Variants in UTRN observed in about 807,000 individuals in gnomAD.
The protein encoded by UTRN is dystrophin-related protein 1.
UTRN carries 283 observed loss-of-function variants against 463.9 expected under a neutral mutation model. The ratio of observed to expected loss-of-function variants is 0.61; its 90% CI spans 0.55 to 0.67. The LOEUF (loss-of-function observed/expected upper bound fraction) is 0.67, where lower values mean the gene tolerates loss of function less well. UTRN is among the 30% of genes least tolerant of loss of function. The pLI is 0.00. For missense variants in UTRN, 3,922 were observed against 4,084.3 expected (o/e 0.96, Z 1.08); for synonymous variants, 1,442 against 1,431.5 (o/e 1.01, Z -0.17).
intron 66 of UTRN, among the ~76,000 whole-genome samples, chr6:144,825,627 T>C (rs1250556036): frequency 3.3e-5 from 5 of 152,158 alleles, no homozygotes; most frequent in Non-Finnish European, 7.3e-5. Flanking sequence ...TCAAGCAATT[T>C]GACAGAGCTT....
chr6:144,396,131 C>T (rs1489419079), intron 2 of UTRN, among the ~76,000 whole-genome samples: 2 of 152,142 alleles, frequency 1.3e-5, no homozygotes, highest in Non-Finnish European at 2.9e-5. Flanking sequence ...AACTAGTGCT[C>T]ATCTTTAGAC....
At position 144,744,316 on chromosome 6, in the gene UTRN, ATATATG is replaced by A. The variant is rs1385867115; in HGVS notation, c.7940-3928_7940-3923del. ...AAAAATGGTGTATACATATATATAT[ATATATG>A]TGTGTGTGTGTGTGTGTGTGTGTGT... On this transcript the variant is annotated intron_variant, in intron 54 of 74. Coordinates refer to ENST00000367545, the MANE Select transcript of UTRN (RefSeq NM_007124.3). Among the ~76,000 whole-genome samples, 198 of 121,598 alleles carry A rather than the reference ATATATG, an allele frequency of 1.6e-3. 2 individuals carry two copies. Among genetic ancestry groups the A allele is most frequent in the African/African-American group, 6.2e-3 (174 of 28,216 alleles). 79.8% of individuals were successfully genotyped at this position (121,598 alleles called of 152,430 possible).
chr6:144,540,706 G>GTCAATAT (rs1240543099), intron 45 of UTRN, among the ~76,000 whole-genome samples: 3 of 152,116 alleles, frequency 2.0e-5, no homozygotes, highest in Non-Finnish European at 4.4e-5. Context: ...AAATATTGGA[G>GTCAATAT]TCAATCCTAT....
At chr6:144,699,726 T>A (rs543060988) in intron 52 of UTRN, among the ~76,000 whole-genome samples, 132 of 150,384 alleles carry the variant, frequency 8.8e-4, no homozygotes, top group Non-Finnish European at 1.6e-3. Context: ...TTGAAAGCCT[T>A]CGTTTTGTAT....
rs192973627 is a variant in UTRN at position 144,444,474 on chromosome 6, T to C, written c.1614+92T>C. ...TTAGAATAAAGTTGCCTTGTTTACTTTTCTTTGAAAGGAAAATATATAAAT... is the reference window on the plus strand; with the variant it reads ...TTAGAATAAAGTTGCCTTGTTTACTCTTCTTTGAAAGGAAAATATATAAAT... On this transcript the variant is annotated intron_variant, in intron 14 of 74. Coordinates refer to ENST00000367545, the MANE Select transcript of UTRN (RefSeq NM_007124.3). 12 of 880,966 alleles carry C rather than the reference T, an allele frequency of 1.4e-5. No homozygotes were observed. The East Asian group carries it at 3.9e-4, about 29-fold the overall frequency. 54.6% of individuals were successfully genotyped at this position (880,966 alleles called of 1,614,324 possible). A position where few individuals can be genotyped will look rare whatever the true frequency, so the allele number is the denominator to read the frequency against.
chr6:144,474,911 G>C (rs754920150), intron 25 of UTRN, 152 bp downstream of exon 25: 12 of 806,494 alleles, frequency 1.5e-5, no homozygotes, highest in East Asian at 2.9e-5. Flanking sequence ...AAAAAAAAAG[G>C]CATCATTTTT....
intron 66 of UTRN, among the ~76,000 whole-genome samples, chr6:144,822,161 G>A (rs1779659484): frequency 6.6e-6 from 1 of 152,030 alleles, no homozygotes; most frequent in Admixed American, 6.6e-5. Context: ...TCTCAAACAT[G>A]TCAAAATAGA....
At position 144,487,738 on chromosome 6, in the gene UTRN, T is replaced by C. The variant is rs185027535; in HGVS notation, c.3972+41T>C. 4,536 of 1,551,722 alleles carry C rather than the reference T, an allele frequency of 2.9e-3. 8 individuals are homozygous for C. Among genetic ancestry groups the C allele is most frequent in the Middle Eastern group, 8.1e-3 (47 of 5,782 alleles). On this transcript the variant is annotated intron_variant, in intron 29 of 74. Transcript: ENST00000367545. ...TACATGGGTGTTGATTAGGTATTGA[T>C]GAAGTGGAGCTGGCCCTAAGCTCCA...
At chr6:144,821,163 G>A (rs1779566893) in intron 66 of UTRN, 145 bp downstream of exon 66, 1 of 1,066,004 alleles carries the variant, frequency 9.4e-7, no homozygotes, top group Non-Finnish European at 1.3e-6. Context: ...TTCACAACAT[G>A]AATTTTTACA....
chr6:144,841,020 G>A (rs961246255), intron 73 of UTRN, among the ~76,000 whole-genome samples, 188 bp downstream of exon 73: 2 of 152,158 alleles, frequency 1.3e-5, no homozygotes, highest in South Asian at 2.1e-4. Flanking sequence ...ATCAAGTAAC[G>A]GGGGTACAGT....
At chr6:144,428,074 G>A (rs1785455429) in intron 7 of UTRN, among the ~76,000 whole-genome samples, 1 of 152,046 alleles carries the variant, frequency 6.6e-6, no homozygotes, top group Non-Finnish European at 1.5e-5. Flanking sequence ...AGGTGGGTGG[G>A]TCTAACATGC....
At chr6:144,509,766 C>G (rs1795021479) in intron 34 of UTRN, among the ~76,000 whole-genome samples, 1 of 152,042 alleles carries the variant, frequency 6.6e-6, no homozygotes, top group Non-Finnish European at 1.5e-5. Context: ...TATTCCATAA[C>G]TTAAATATAA....
chr6:144,355,432 C>G (rs1303278661), intron 2 of UTRN, among the ~76,000 whole-genome samples: 3 of 152,092 alleles, frequency 2.0e-5, no homozygotes, highest in African/African-American at 7.2e-5. Flanking sequence ...CTCCTGGGCT[C>G]AAGTGATATA....
intron 3 of UTRN, among the ~76,000 whole-genome samples, chr6:144,408,237 C>T (rs957995109): frequency 4.6e-5 from 7 of 152,346 alleles, no homozygotes; most frequent in African/African-American, 1.2e-4. Context: ...ATTAAGCCCG[C>T]GTTCTTCCAT....
chr6:144,447,553 G>C, intron 15 of UTRN, 49 bp from the exon 16 acceptor site: 1 of 1,596,556 alleles, frequency 6.3e-7, no homozygotes, highest in Non-Finnish European at 8.5e-7. Context: ...GGAACAGAAA[G>C]ACAAAGTCCT....
chr6:144,525,441 C>T (rs759376164), intron 41 of UTRN, among the ~76,000 whole-genome samples: 3 of 152,098 alleles, frequency 2.0e-5, no homozygotes, highest in Non-Finnish European at 4.4e-5. Context: ...GGAATTTATC[C>T]ATATCCTCTA....
intron 3 of UTRN, among the ~76,000 whole-genome samples, chr6:144,405,348 T>C (rs1370525214): frequency 1.3e-5 from 2 of 152,174 alleles, no homozygotes; most frequent in African/African-American, 2.4e-5. Context: ...TTGCTTCCAA[T>C]TGGGGATAGT....
intron 56 of UTRN, among the ~76,000 whole-genome samples, chr6:144,753,103 GC>G (rs1791584755): frequency 6.6e-6 from 1 of 152,178 alleles, no homozygotes; most frequent in African/African-American, 2.4e-5. Context: ...AGGAACTAGT[GC>G]TGTCCAGGGA....
At chr6:144,399,083 C>T (rs959987365) in intron 2 of UTRN, among the ~76,000 whole-genome samples, 11 of 152,008 alleles carry the variant, frequency 7.2e-5, no homozygotes, top group Admixed American at 7.2e-4. Flanking sequence ...CTGAGGATGT[C>T]GGATTTTGAA....
Sources: gnomAD v4.1 joint callset for allele counts (sites outside exome capture counted in the v4.1 genomes callset) on GRCh38, gnomAD v4.1.1 for gene constraint, MANE v1.5 for transcripts, NCBI Gene and HGNC (gene_info 2026-07-23, HGNC 2026-07-21) for gene names.